GREB1: variants seen among roughly 807,000 people sequenced by gnomAD.
The protein encoded by GREB1 is protein GREB1.
GREB1 carries 106 observed loss-of-function variants against 200.7 expected under a neutral mutation model. That is an observed-to-expected ratio of 0.53 (90% CI 0.45 to 0.62). GREB1 has a LOEUF of 0.62. GREB1 is among the 20% of genes least tolerant of loss of function. The probability of loss-of-function intolerance (pLI) is 0.00; values close to 1 mark genes in which losing one functional copy is unlikely to be tolerated. For synonymous variants in GREB1, 1,132 were observed against 1,092.4 expected, an observed-to-expected ratio of 1.04 and a Z score of -0.72; for missense variants, 2,243 against 2,556.8, an observed-to-expected ratio of 0.88 and a Z score of 2.65.
At chr2:11,508,197 C>T (rs1673237265) in intron 1 of GREB1, among the ~76,000 whole-genome samples, 1 of 152,196 alleles carries the variant, frequency 6.6e-6, no homozygotes, top group Admixed American at 6.5e-5. Flanking sequence ...CAGTCCCATG[C>T]CACAGGCCTG....
intron 1 of GREB1, among the ~76,000 whole-genome samples, chr2:11,553,059 C>T (rs1278689779): frequency 6.6e-6 from 1 of 151,286 alleles, no homozygotes; most frequent in Non-Finnish European, 1.5e-5. Flanking sequence ...TGCAATGCCT[C>T]CTCATTCTTC....
At chr2:11,540,427 G>GCTT (rs1418928660) in intron 1 of GREB1, among the ~76,000 whole-genome samples, 1 of 152,216 alleles carries the variant, frequency 6.6e-6, no homozygotes, top group African/African-American at 2.4e-5. Context: ...AGTGGTTTCT[G>GCTT]CTTCCCTGGC....
chr2:11,637,022 G>A (rs1685424624), intron 30 of GREB1, among the ~76,000 whole-genome samples: 1 of 89,360 alleles, frequency 1.1e-5, no homozygotes, highest in African/African-American at 3.3e-5. Flanking sequence ...AGGGACAGAG[G>A]CAGGGGCATG....
At chr2:11,530,168 T>C (rs536059945), upstream of GREB1, among the ~76,000 whole-genome samples, 26 of 152,044 alleles carry the variant, frequency 1.7e-4, no homozygotes, top group African/African-American at 6.3e-4. Flanking sequence ...CTCAAACTAT[T>C]CTCCCACCTC....
intron 11 of GREB1, 119 bp downstream of exon 11, chr2:11,593,245 C>A: frequency 1.5e-6 from 1 of 669,114 alleles, no homozygotes; most frequent in South Asian, 2.0e-5. Context: ...GCAGTTAGCA[C>A]CTGCGGTTTG....
At chr2:11,585,342 G>A (rs973665515) in intron 8 of GREB1, 68 bp downstream of exon 8, 26 of 957,912 alleles carry the variant, frequency 2.7e-5, no homozygotes, top group Non-Finnish European at 4.1e-5. Flanking sequence ...TGCCAGTTGT[G>A]TGTATGTGTG....
chr2:11,583,422 GC>G (rs528607739), intron 7 of GREB1, among the ~76,000 whole-genome samples: 75 of 152,200 alleles, frequency 4.9e-4, no homozygotes, highest in Non-Finnish European at 1.0e-3. Context: ...GGAGCCCACG[GC>G]TTTGAAAGCT....
At chr2:11,592,598 GC>G (rs1489233907) in intron 10 of GREB1, among the ~76,000 whole-genome samples, 177 bp from the exon 11 acceptor site, 1 of 152,146 alleles carries the variant, frequency 6.6e-6, no homozygotes, top group Non-Finnish European at 1.5e-5. Context: ...AAATAGCGTG[GC>G]TCTGTTAGGA....
intron 1 of GREB1, among the ~76,000 whole-genome samples, chr2:11,508,873 C>CTTTTTTTT (rs1344798242): frequency 6.4e-5 from 9 of 139,576 alleles, no homozygotes; most frequent in East Asian, 2.1e-4. Context: ...TTCTTTCTCT[C>CTTTTTTTT]TTTTTTTTTT....
At chr2:11,592,145 C>A in intron 10 of GREB1, 1 of 952,930 alleles carries the variant, frequency 1.0e-6, no homozygotes, top group Non-Finnish European at 1.2e-6. Flanking sequence ...TAAAGACCTT[C>A]TCTAACAAGC....
At chr2:11,516,892 T>C (rs1673524986) in intron 1 of GREB1, among the ~76,000 whole-genome samples, 1 of 152,216 alleles carries the variant, frequency 6.6e-6, no homozygotes, top group Non-Finnish European at 1.5e-5. Flanking sequence ...AGACAGACTT[T>C]TCTCTTCCGT....
Position 11,595,368 on chromosome 2 carries a change from C to A in GREB1, c.1814C>A (p.Thr605Asn). The change falls in exon 12 of 33, where the codon ACC (threonine) becomes AAC (asparagine). Residue 605 changes from threonine (T) to asparagine (N), a missense_variant. Transcript: ENST00000381486. ...GACTCGCTGGGGGCCTTCTTTAGCA[C>A]CCTCTGTCCAGGTAGGCTTGTCGTG... ...KVDSLGAFFS[T>N]LCPEGDIDIL... 6.2e-7 allele frequency: 1 copy of A among 1,613,588 alleles called. No homozygotes were observed. The highest frequency in any genetic ancestry group is 8.5e-7 in the Non-Finnish European group (1 of 1,179,712).
chr2:11,610,796 G>T lies in GREB1; in HGVS notation c.2775G>T (p.Ser925=). ...SGLPQMKNYT[S]VETLEITQNL... ...TCCCGCAGATGAAGAACTACACGTC[G>T]GTGGAGACGCTGGAGATCACGCAGA... Residue 925 remains serine, a synonymous_variant, in exon 18 of 33, where the codon TCG becomes TCT. Coordinates refer to ENST00000381486, the MANE Select transcript of GREB1 (RefSeq NM_014668.4). 1.9e-6 allele frequency: 3 copies of T among 1,613,554 alleles called. No individual in the cohort carries two copies. The highest frequency in any genetic ancestry group is 1.7e-6 in the Non-Finnish European group (2 of 1,179,984).
chr2:11,585,452 TA>T (rs1436013829), intron 8 of GREB1, among the ~76,000 whole-genome samples, 178 bp downstream of exon 8: 1 of 152,270 alleles, frequency 6.6e-6, no homozygotes, highest in African/African-American at 2.4e-5. Flanking sequence ...TCTCACATGT[TA>T]AAATTGCTTT....
chr2:11,604,100 C>A (rs547178099), intron 17 of GREB1, among the ~76,000 whole-genome samples: 1 of 152,178 alleles, frequency 6.6e-6, no homozygotes, highest in Non-Finnish European at 1.5e-5. Context: ...TTGGTTTACC[C>A]TCTATCAGTT....
At chr2:11,572,236 C>A (rs968380340) in intron 4 of GREB1, among the ~76,000 whole-genome samples, 1 of 152,172 alleles carries the variant, frequency 6.6e-6, no homozygotes, top group Admixed American at 6.5e-5. Flanking sequence ...AGGCATCAGG[C>A]CTGGGGGACA....
chr2:11,600,604 C>T (rs149108403), intron 15 of GREB1, among the ~76,000 whole-genome samples, 196 bp from the exon 16 acceptor site: 11 of 152,276 alleles, frequency 7.2e-5, no homozygotes, highest in South Asian at 2.1e-4. Flanking sequence ...TCCTAAGTAA[C>T]GAATCTCAGG....
At chr2:11,547,059 C>G (rs1675349731) in intron 1 of GREB1, among the ~76,000 whole-genome samples, 1 of 151,942 alleles carries the variant, frequency 6.6e-6, no homozygotes, top group Non-Finnish European at 1.5e-5. Flanking sequence ...ATTCTCCTGC[C>G]TCGGCCTCCC....
chr2:11,615,033 G>T (rs549365498), intron 19 of GREB1, 58 bp from the exon 20 acceptor site: 2 of 1,324,934 alleles, frequency 1.5e-6, no homozygotes, highest in Non-Finnish European at 2.2e-6. Context: ...GCCGCAGTGG[G>T]AACAGCACTC....
Sources: gnomAD v4.1 joint callset for allele counts (sites outside exome capture counted in the v4.1 genomes callset) on GRCh38, gnomAD v4.1.1 for gene constraint, MANE v1.5 for transcripts, NCBI Gene and HGNC (gene_info 2026-07-23, HGNC 2026-07-21) for gene names.